Variants in NCOA2 observed in about 807,000 individuals in gnomAD.
The protein encoded by NCOA2 is nuclear receptor coactivator 2, also known as class E basic helix-loop-helix protein 75.
A neutral mutation model predicts 145.1 loss-of-function variants in NCOA2; 21 were observed. That is an observed-to-expected ratio of 0.14 (90% CI 0.10 to 0.21). NCOA2 has a LOEUF of 0.21. NCOA2 is among the 10% of genes least tolerant of loss of function. The pLI, the probability that NCOA2 is intolerant of heterozygous loss-of-function variation, is 1.00. For missense variants in NCOA2, 1,472 were observed against 1,837.6 expected, an observed-to-expected ratio of 0.80 and a Z score of 3.64; for synonymous variants, 619 against 637.5, an observed-to-expected ratio of 0.97 and a Z score of 0.44.
intron 2 of NCOA2, among the ~76,000 whole-genome samples, chr8:70,238,607 T>C (rs1360411553): frequency 1.3e-5 from 2 of 152,184 alleles, no homozygotes; most frequent in Non-Finnish European, 2.9e-5. Flanking sequence ...AAGGAAATGA[T>C]CTAGGTAAAA....
chr8:70,188,497 C>T (rs965194865), intron 4 of NCOA2, among the ~76,000 whole-genome samples: 3 of 152,138 alleles, frequency 2.0e-5, no homozygotes, highest in Non-Finnish European at 4.4e-5. Flanking sequence ...TAAAATAATG[C>T]ATGTGAAGCA....
intron 4 of NCOA2, among the ~76,000 whole-genome samples, chr8:70,189,095 G>A (rs1307402889): frequency 1.3e-5 from 2 of 151,890 alleles, no homozygotes; most frequent in African/African-American, 2.4e-5. Flanking sequence ...TCTTATGGAT[G>A]GGAAATGCCT....
chr8:70,411,538 G>T, the NCOA2 span, among the ~76,000 whole-genome samples: 1 of 152,174 alleles, frequency 6.6e-6, no homozygotes, highest in Admixed American at 6.5e-5. Context: ...AGCTGAGCAT[G>T]TCTCCTGGGT....
At chr8:70,283,436 G>T (rs1826025609) in intron 2 of NCOA2, among the ~76,000 whole-genome samples, 1 of 152,092 alleles carries the variant, frequency 6.6e-6, no homozygotes, top group Non-Finnish European at 1.5e-5. Context: ...TTGAGTCCAG[G>T]CAACAAATAC....
chr8:70,389,334 G>A (rs919835785), intron 1 of NCOA2, among the ~76,000 whole-genome samples: 3 of 151,808 alleles, frequency 2.0e-5, no homozygotes, highest in Admixed American at 6.6e-5. Context: ...AGACTGGAGT[G>A]CAATGGCACC....
chr8:70,421,229 G>A, the NCOA2 span, among the ~76,000 whole-genome samples: 2 of 152,028 alleles, frequency 1.3e-5, no homozygotes, highest in African/African-American at 4.8e-5. Flanking sequence ...GAACTTGAGA[G>A]GGGAAAAAAG....
At chr8:70,161,044 T>C (rs749806730) in intron 9 of NCOA2, among the ~76,000 whole-genome samples, 1 of 152,230 alleles carries the variant, frequency 6.6e-6, no homozygotes, top group East Asian at 1.9e-4. Context: ...CTCTGAAAAG[T>C]AGGTATCTGT....
intron 2 of NCOA2, among the ~76,000 whole-genome samples, chr8:70,274,173 G>C (rs548482868): frequency 6.7e-6 from 1 of 148,404 alleles, no homozygotes; most frequent in South Asian, 2.1e-4. Context: ...ACAGTGTAGT[G>C]TAACACAGGT....
intron 1 of NCOA2, among the ~76,000 whole-genome samples, chr8:70,387,035 C>T (rs1470760411): frequency 1.3e-5 from 2 of 152,146 alleles, no homozygotes. Flanking sequence ...CTCAGCCTCC[C>T]AAGTAGCTGG....
chr8:70,159,222 T>TTTTATATATA lies in NCOA2; in HGVS notation c.1124+282_1124+283insTATATATAAA, dbSNP rs1554578437. 3.1e-4 allele frequency among the ~76,000 whole-genome samples: 14 copies of TTTTATATATA among 44,488 alleles called. 1 individual carries two copies. Among genetic ancestry groups the TTTTATATATA allele is most frequent in the South Asian group, 1.9e-3 (4 of 2,156 alleles). The allele number at this position is 44,488 out of a possible 152,430, so 29.2% of individuals were successfully genotyped here. A position where few individuals can be genotyped will look rare whatever the true frequency, so the allele number is the denominator to read the frequency against. ...ATAATACAAATAATACAGTATAACA[T>TTTTATATATA]TATATATATATATATATATATTTTT... is the stretch of plus-strand genomic sequence containing the variant. On this transcript the variant is annotated intron_variant, in intron 10 of 22. Coordinates refer to ENST00000452400, the MANE Select transcript of NCOA2 (RefSeq NM_006540.4).
intron 1 of NCOA2, among the ~76,000 whole-genome samples, chr8:70,386,726 T>G (rs1353176175): frequency 6.6e-6 from 1 of 152,184 alleles, no homozygotes. Context: ...TTTAAAATCA[T>G]CTAATTCATT....
intron 1 of NCOA2, among the ~76,000 whole-genome samples, chr8:70,366,339 T>A (rs1586608913): frequency 6.6e-6 from 1 of 152,130 alleles, no homozygotes; most frequent in African/African-American, 2.4e-5. Flanking sequence ...AGAGCACAGG[T>A]TCACAAAGCT....
At chr8:70,127,265 A>T (rs1014848004) in intron 18 of NCOA2, among the ~76,000 whole-genome samples, 1 of 152,154 alleles carries the variant, frequency 6.6e-6, no homozygotes, top group Non-Finnish European at 1.5e-5. Flanking sequence ...CTTTGCTATG[A>T]CTCAGCAGAG....
intron 2 of NCOA2, among the ~76,000 whole-genome samples, chr8:70,238,150 A>AAG (rs1821804608): frequency 6.6e-6 from 1 of 151,762 alleles, no homozygotes; most frequent in East Asian, 1.9e-4. Context: ...GCATGTGCAC[A>AAG]CGCGCGCGCG....
chr8:70,331,281 A>G (rs919264632), intron 1 of NCOA2, among the ~76,000 whole-genome samples: 1 of 152,146 alleles, frequency 6.6e-6, no homozygotes, highest in Non-Finnish European at 1.5e-5. Flanking sequence ...AACTAAAACA[A>G]CACAATAGAG....
At chr8:70,328,129 C>G (rs1806759774) in intron 1 of NCOA2, among the ~76,000 whole-genome samples, 1 of 152,152 alleles carries the variant, frequency 6.6e-6, no homozygotes, top group East Asian at 1.9e-4. Flanking sequence ...ATCAGCGTAC[C>G]TGAGACACAT....
intron 2 of NCOA2, among the ~76,000 whole-genome samples, chr8:70,280,747 A>G (rs1825809634): frequency 7.1e-6 from 1 of 139,926 alleles, no homozygotes; most frequent in African/African-American, 2.7e-5. Flanking sequence ...GGAGTCAAGC[A>G]TAGGATCTAC....
chr8:70,376,221 C>T (rs1563821419), intron 1 of NCOA2, among the ~76,000 whole-genome samples: 1 of 152,146 alleles, frequency 6.6e-6, no homozygotes, highest in Non-Finnish European at 1.5e-5. Context: ...ATTATCACTT[C>T]CTATTTTAGG....
the NCOA2 span, among the ~76,000 whole-genome samples, chr8:70,432,967 T>C: frequency 6.6e-6 from 1 of 152,206 alleles, no homozygotes; most frequent in African/African-American, 2.4e-5. Flanking sequence ...AGGCTATAAT[T>C]ACATTAAATA....
Sources: allele counts gnomAD v4.1 joint callset (sites outside exome capture counted in the v4.1 genomes callset), GRCh38; gene constraint gnomAD v4.1.1; transcripts MANE v1.5; gene names NCBI Gene and HGNC (gene_info 2026-07-23, HGNC 2026-07-21).